The following WFDC2 variants were observed in gnomAD, a reference collection of about 807,000 sequenced individuals.
WFDC2 encodes the protein WAP four-disulfide core domain protein 2.
Under a neutral mutation model 12.5 loss-of-function variants are expected in WFDC2, and 8 were observed. The observed-to-expected ratio is 0.64, with a 90% CI of 0.37 to 1.15. The LOEUF is 1.15. Ranked by LOEUF, WFDC2 falls within the 50% of genes most tolerant of loss-of-function variation. The probability of loss-of-function intolerance (pLI) is 0.01; values close to 1 mark genes in which losing one functional copy is unlikely to be tolerated. For synonymous variants in WFDC2, 74 were observed against 67.2 expected, an observed-to-expected ratio of 1.10 and a Z score of -0.49; for missense variants, 166 against 159.9, an observed-to-expected ratio of 1.04 and a Z score of -0.21.
chr20:45,477,015 T>A (rs914351414), intron 2 of WFDC2, among the ~76,000 whole-genome samples: 4 of 152,030 alleles, frequency 2.6e-5, no homozygotes, highest in African/African-American at 9.7e-5. Context: ...GCTGTGTTTT[T>A]CAGCTCCATC....
At chr20:45,471,218 G>A in intron 2 of WFDC2, 1 of 468,368 alleles carries the variant, frequency 2.1e-6, no homozygotes, top group Admixed American at 2.4e-5. Flanking sequence ...GCCCTTCGTC[G>A]TCTTTCAGTC....
At chr20:45,473,438 G>A (rs1991197086) in intron 2 of WFDC2, among the ~76,000 whole-genome samples, 1 of 152,142 alleles carries the variant, frequency 6.6e-6, no homozygotes, top group Non-Finnish European at 1.5e-5. Flanking sequence ...ATTAAATAGG[G>A]AATCCTTTCC....
In WFDC2 at chr20:45,469,868, G is replaced by T; in HGVS notation, c.79+8G>T. The T allele has an allele frequency of 6.2e-7, 1 of 1,602,832 alleles. No homozygotes were observed. Among genetic ancestry groups the T allele is most frequent in the Non-Finnish European group, 8.5e-7 (1 of 1,175,314 alleles). ...GCTTCACCCTAGTCTCAGGTGAGTG[G>T]GGCGGGGAGAGGCCCGGCGCCTAGA... On this transcript the variant is annotated splice_region_variant and intron_variant, in intron 1 of 3. Transcript: ENST00000372676.
Position 45,480,043 on chromosome 20 carries a change from T to A in WFDC2, c.325T>A (p.Cys109Ser). ...VDSQCPGQMK[C>S]CRNGCGKVSC... ...CAGCCAGTGTCCTGGCCAGATGAAA[T>A]GCTGCCGCAATGGCTGTGGGAAGGT... The change falls in exon 3 of 4, where the codon TGC becomes AGC. Residue 109 changes from cysteine to serine, a missense_variant. Cys to Ser is a moderately radical substitution (Grantham distance 112). Transcript: ENST00000372676. 6.2e-7 allele frequency: 1 copy of A among 1,614,170 alleles called. No homozygotes were observed. Among genetic ancestry groups the A allele is most frequent in the Non-Finnish European group, 8.5e-7 (1 of 1,180,006 alleles).
chr20:45,479,874 G>A (rs746599804), intron 2 of WFDC2, 68 bp from the exon 3 acceptor site: 1 of 1,614,090 alleles, frequency 6.2e-7, no homozygotes, highest in South Asian at 1.1e-5. Flanking sequence ...GGGGGGCCAT[G>A]CTGCAGGTAC....
chr20:45,471,135 T>C, intron 2 of WFDC2: 5 of 471,354 alleles, frequency 1.1e-5, no homozygotes, highest in Non-Finnish European at 2.2e-5. Context: ...TAGTGAGGGT[T>C]CAGCTTTTGC....
At chr20:45,480,203 G>C (rs1176950107) in intron 3 of WFDC2, 109 bp downstream of exon 3, 1 of 1,497,374 alleles carries the variant, frequency 6.7e-7, no homozygotes, top group Non-Finnish European at 9.1e-7. Context: ...GGACAGTTGG[G>C]AAAGGTATAC....
In WFDC2 at chr20:45,480,956, T is replaced by C. The variant is rs984152801; in HGVS notation, c.*2-415T>C. Among the ~76,000 whole-genome samples, 9 of 152,202 alleles carry C rather than the reference T, an allele frequency of 5.9e-5. No homozygotes were observed. The East Asian group carries it at 1.7e-3, about 29-fold the overall frequency. On this transcript the variant is annotated intron_variant, in intron 3 of 3. Coordinates refer to ENST00000372676, the MANE Select transcript of WFDC2 (RefSeq NM_006103.4). The stretch of plus-strand genomic sequence containing the variant: ...CTCACCTCCCTGAGTCACAGTTATC[T>C]CGCTTATAAAATGTAGCTAAATAAG...
At chr20:45,473,022 G>T (rs184954340) in intron 2 of WFDC2, among the ~76,000 whole-genome samples, 3 of 151,662 alleles carry the variant, frequency 2.0e-5, no homozygotes, top group Non-Finnish European at 4.4e-5. Context: ...CTTCGCCCAC[G>T]TTCTAATGGG....
At chr20:45,479,822 G>T in intron 2 of WFDC2, 120 bp from the exon 3 acceptor site, 1 of 1,613,252 alleles carries the variant, frequency 6.2e-7, no homozygotes, top group South Asian at 1.1e-5. Flanking sequence ...ATGGACTCAG[G>T]CAGGCAGCTC....
Position 45,470,945 on chromosome 20 carries a change from G to A in WFDC2, c.223+413G>A, listed in dbSNP as rs1991164204. 6.6e-6 allele frequency among the ~76,000 whole-genome samples: 1 copy of A among 152,206 alleles called. No individual in the cohort carries two copies. The highest frequency in any genetic ancestry group is 1.5e-5 in the Non-Finnish European group (1 of 68,020). On this transcript the variant is annotated intron_variant, in intron 2 of 3. Transcript: ENST00000372676. The surrounding 1 kb of genome is among the most constrained non-coding windows in gnomAD (Gnocchi z 5.4). The stretch of plus-strand genomic sequence containing the variant: ...TCCCTGGGGGCCTCCCCCAGCCCTG[G>A]GGAAAGACTGGGAGAGCCTGGCCTG...
chr20:45,472,278 C>G (rs551695545), intron 2 of WFDC2, among the ~76,000 whole-genome samples: 1 of 152,144 alleles, frequency 6.6e-6, no homozygotes, highest in African/African-American at 2.4e-5. Context: ...AATTCCCAAC[C>G]CCCCGACAGG....
At position 45,471,934 on chromosome 20, in the gene WFDC2, A is replaced by G. The variant is rs74605251; in HGVS notation, c.223+1402A>G. Among the ~76,000 whole-genome samples, 472 of 152,266 alleles carry G rather than the reference A, an allele frequency of 3.1e-3. 7 individuals carry two copies. In the East Asian group the frequency reaches 0.049, roughly 16 times the overall value. ...CAAACTCTATAGGATTGGCATGAGGACTAAATGAAATAATGCATCTAAAGT... is the reference window on the plus strand; with the variant it reads ...CAAACTCTATAGGATTGGCATGAGGGCTAAATGAAATAATGCATCTAAAGT... On this transcript the variant is annotated intron_variant, in intron 2 of 3. Transcript: ENST00000372676.
At chr20:45,474,964 G>A (rs745778749) in intron 2 of WFDC2, among the ~76,000 whole-genome samples, 17 of 152,094 alleles carry the variant, frequency 1.1e-4, no homozygotes, top group East Asian at 3.8e-4. Flanking sequence ...GTTTATTTGC[G>A]TAGAGGTGTT....
intron 2 of WFDC2, among the ~76,000 whole-genome samples, chr20:45,473,847 C>T (rs1002239372): frequency 4.6e-5 from 7 of 152,176 alleles, no homozygotes; most frequent in Admixed American, 3.9e-4. Context: ...TTTGTATCCT[C>T]TCTTATTTCG....
At chr20:45,471,405 G>C (rs1008878722) in intron 2 of WFDC2, 20 of 312,254 alleles carry the variant, frequency 6.4e-5, no homozygotes, top group South Asian at 5.1e-4. Flanking sequence ...GATAGGACCT[G>C]GAGAGAACCA....
intron 1 of WFDC2, 95 bp downstream of exon 1, chr20:45,469,955 A>T: frequency 6.8e-7 from 1 of 1,464,352 alleles, no homozygotes; most frequent in Non-Finnish European, 9.2e-7. Flanking sequence ...GAGGCTGGGG[A>T]AGTGGGAATT....
Position 45,470,550 on chromosome 20 carries a change from G to T in WFDC2, c.223+18G>T. On this transcript the variant is annotated intron_variant, in intron 2 of 3. Transcript: ENST00000372676. The surrounding 1 kb of genome is among the most constrained non-coding windows in gnomAD (Gnocchi z 5.4). ...GCCCAATGGTAACCCCACGGCGGCCGAGCGGGAACGGGGCGGGGCCGCGCT... is the reference window on the plus strand; with the variant it reads ...GCCCAATGGTAACCCCACGGCGGCCTAGCGGGAACGGGGCGGGGCCGCGCT... 1.3e-6 allele frequency: 2 copies of T among 1,578,814 alleles called. No homozygotes were observed. The highest frequency in any genetic ancestry group is 1.7e-6 in the Non-Finnish European group (2 of 1,160,510).
In WFDC2 at chr20:45,478,083, T is replaced by C. The variant is rs543559415; in HGVS notation, c.224-1859T>C. 1.6e-4 allele frequency among the ~76,000 whole-genome samples: 25 copies of C among 152,354 alleles called. No homozygotes were observed. The East Asian group carries it at 3.1e-3, about 19-fold the overall frequency. On this transcript the variant is annotated intron_variant, in intron 2 of 3. Transcript: ENST00000372676. ...AGTGAGAATTTCAAGCCAGTGGATG[T>C]TAGCTTGCTGGGCTCCATGGGGGTG...
Sources: gnomAD v4.1 joint callset for allele counts (sites outside exome capture counted in the v4.1 genomes callset) on GRCh38, gnomAD v4.1.1 for gene constraint, Gnocchi (gnomAD v3.1) non-coding constraint, MANE v1.5 for transcripts, NCBI Gene and HGNC (gene_info 2026-07-23, HGNC 2026-07-21) for gene names.